Variants in GLRA2 observed in about 807,000 individuals in gnomAD.
The protein encoded by GLRA2 is glycine receptor alpha 2, also known as glycine receptor subunit alpha-2.
GLRA2 carries 11 observed loss-of-function variants against 31.6 expected under a neutral mutation model. That is an observed-to-expected ratio of 0.35 (90% CI 0.22 to 0.58). The LOEUF is 0.58. Ranked by LOEUF, GLRA2 falls within the 20% of genes least tolerant of loss-of-function variation. The probability of loss-of-function intolerance (pLI) is 0.84; values close to 1 mark genes in which losing one functional copy is unlikely to be tolerated. For missense variants in GLRA2, 212 were observed against 351.8 expected (o/e 0.60, Z 3.18); for synonymous variants, 132 against 134.0 (o/e 0.99, Z 0.10).
At chrX:14,683,013 G>A (rs377015053) in intron 7 of GLRA2, among the ~76,000 whole-genome samples, 13 of 111,742 alleles carry the variant, frequency 1.2e-4, no homozygotes, top group South Asian at 3.8e-4. Flanking sequence ...ATAAACATAC[G>A]TGTGCATGTG....
chrX:14,465,600 AT>A, the GLRA2 span, among the ~76,000 whole-genome samples: 48 of 112,322 alleles, frequency 4.3e-4, no homozygotes, highest in African/African-American at 1.5e-3. Context: ...GTATCAAAAA[AT>A]ATCTGGATTT....
chrX:14,579,959 C>T (rs1406067318), intron 3 of GLRA2, among the ~76,000 whole-genome samples: 1 of 112,007 alleles, frequency 8.9e-6, no homozygotes, highest in African/African-American at 3.2e-5. Context: ...TCCATACACC[C>T]TAATCTTTAC....
intron 3 of GLRA2, among the ~76,000 whole-genome samples, chrX:14,579,916 AAAAC>A (rs757632142): frequency 4.5e-5 from 5 of 112,158 alleles, no homozygotes; most frequent in Non-Finnish European, 9.4e-5. Flanking sequence ...GTAAAAAAGA[AAAAC>A]AAAAACAAAA....
At chrX:14,633,839 G>A (rs1336772822) in intron 7 of GLRA2, among the ~76,000 whole-genome samples, 3 of 111,304 alleles carry the variant, frequency 2.7e-5, no homozygotes, top group Non-Finnish European at 3.8e-5. Flanking sequence ...TTACTATCAT[G>A]AGAACAGCAT....
chrX:14,646,564 T>C (rs2090834441), intron 7 of GLRA2, among the ~76,000 whole-genome samples: 1 of 112,017 alleles, frequency 8.9e-6, no homozygotes, highest in Admixed American at 9.5e-5. Flanking sequence ...CACTTTTAAC[T>C]GCTACCTCTC....
chrX:14,654,331 C>T (rs374383546), intron 7 of GLRA2, among the ~76,000 whole-genome samples: 5 of 110,935 alleles, frequency 4.5e-5, no homozygotes, highest in African/African-American at 1.7e-4. Flanking sequence ...AAGGTATGTA[C>T]ATTGTTTTTT....
intron 2 of GLRA2, among the ~76,000 whole-genome samples, chrX:14,552,880 G>A (rs1322627931): frequency 9.0e-6 from 1 of 111,667 alleles, no homozygotes; most frequent in African/African-American, 3.3e-5. Context: ...AAAAGATCAT[G>A]GGTAAAAACC....
At chrX:14,632,592 GGTTT>G (rs1448958397) in intron 7 of GLRA2, among the ~76,000 whole-genome samples, 4 of 111,309 alleles carry the variant, frequency 3.6e-5, no homozygotes, top group African/African-American at 1.3e-4. Flanking sequence ...TTCATCAAAA[GGTTT>G]GTTTCAAGGT....
chrX:14,602,586 C>A (rs1199999804), intron 4 of GLRA2, among the ~76,000 whole-genome samples: 1 of 110,627 alleles, frequency 9.0e-6, no homozygotes, highest in Non-Finnish European at 1.9e-5. Flanking sequence ...TCCTTCCCAC[C>A]CTTTCCCCTT....
At chrX:14,630,299 A>G (rs1475272337) in intron 7 of GLRA2, among the ~76,000 whole-genome samples, 1 of 111,548 alleles carries the variant, frequency 9.0e-6, no homozygotes, top group Non-Finnish European at 1.9e-5. Context: ...ACTGTTTCCA[A>G]TTTAAAAATC....
At chrX:14,690,465 T>C (rs921678186) in intron 7 of GLRA2, among the ~76,000 whole-genome samples, 1 of 111,930 alleles carries the variant, frequency 8.9e-6, no homozygotes, top group Admixed American at 9.5e-5. Flanking sequence ...TCATTGGAGC[T>C]GGTCTCAGGA....
At chrX:14,489,663 C>T in the GLRA2 span, among the ~76,000 whole-genome samples, 1 of 111,566 alleles carries the variant, frequency 9.0e-6, no homozygotes, top group Non-Finnish European at 1.9e-5. Flanking sequence ...GTGTGCAGGT[C>T]GGTCAGAGGC....
rs779413075 is a variant in GLRA2 at position 14,587,110 on chromosome X, G to C, written c.494+5704G>C. On this transcript the variant is annotated intron_variant, in intron 4 of 8. Coordinates refer to ENST00000218075, the MANE Select transcript of GLRA2 (RefSeq NM_002063.4). Reference sequence around the variant, plus strand: ...AAAGACACAAACACACACAATTCATGTTGCAGCAAAGGGCATCATTTCATG... The same window carrying C: ...AAAGACACAAACACACACAATTCATCTTGCAGCAAAGGGCATCATTTCATG... 3.6e-5 allele frequency among the ~76,000 whole-genome samples: 4 copies of C among 111,739 alleles called. No individual in the cohort carries two copies. The South Asian group carries it at 1.5e-3, about 42-fold the overall frequency.
intron 4 of GLRA2, among the ~76,000 whole-genome samples, chrX:14,600,536 T>A (rs1436602662): frequency 9.0e-6 from 1 of 111,493 alleles, no homozygotes; most frequent in Admixed American, 9.6e-5. Flanking sequence ...ATTTAAATTT[T>A]AATTTTTTGA....
At chrX:14,491,556 A>G in the GLRA2 span, among the ~76,000 whole-genome samples, 2 of 112,175 alleles carry the variant, frequency 1.8e-5, no homozygotes, top group Non-Finnish European at 3.8e-5. Context: ...CAGAATGCAT[A>G]AGAATCCCTG....
At chrX:14,459,191 A>G in the GLRA2 span, among the ~76,000 whole-genome samples, 3 of 111,252 alleles carry the variant, frequency 2.7e-5, no homozygotes, top group African/African-American at 6.5e-5. Flanking sequence ...GTAGATATGC[A>G]GCGCTATTTC....
At chrX:14,681,910 A>AAAAAAAATATATAT (rs758563376) in intron 7 of GLRA2, among the ~76,000 whole-genome samples, 1 of 41,292 alleles carries the variant, frequency 2.4e-5, no homozygotes, top group Non-Finnish European at 4.4e-5. Context: ...AAAAAAAAAA[A>AAAAAAAATATATAT]ATATATATAT....
At chrX:14,464,701 C>T in the GLRA2 span, among the ~76,000 whole-genome samples, 1 of 111,603 alleles carries the variant, frequency 9.0e-6, no homozygotes, top group Non-Finnish European at 1.9e-5. Flanking sequence ...GGACTACAAG[C>T]ACCCACCACC....
At chrX:14,496,687 G>C in the GLRA2 span, among the ~76,000 whole-genome samples, 6 of 112,162 alleles carry the variant, frequency 5.3e-5, no homozygotes, top group Admixed American at 9.5e-5. Context: ...TGTGCAGGAG[G>C]TACTTGCTGT....
Sources: gnomAD v4.1 joint callset for allele counts (sites outside exome capture counted in the v4.1 genomes callset) on GRCh38, gnomAD v4.1.1 for gene constraint, MANE v1.5 for transcripts, NCBI Gene and HGNC (gene_info 2026-07-23, HGNC 2026-07-21) for gene names.